INF2: variants seen among roughly 807,000 people sequenced by gnomAD.
The protein encoded by INF2 is inverted formin 2, also known as inverted formin-2.
INF2 carries 43 observed loss-of-function variants against 123.5 expected under a neutral mutation model. The observed-to-expected ratio is 0.35, with a 90% confidence interval of 0.27 to 0.45. The LOEUF (loss-of-function observed/expected upper bound fraction) is 0.45. INF2 is among the 20% of genes least tolerant of loss of function. The pLI is 1.00. For synonymous variants in INF2, 851 were observed against 745.0 expected, an observed-to-expected ratio of 1.14 and a Z score of -2.32; for missense variants, 1,453 against 1,682.7, an observed-to-expected ratio of 0.86 and a Z score of 2.39.
rs748954572 is a variant in INF2 at position 104,708,562 on chromosome 14, C to T, written c.1862C>T (p.Pro621Leu). The change falls in exon 9 of 23, where the codon CCC becomes CTC. Residue 621 changes from proline (P) to leucine (L), a missense_variant. Physicochemically the swap from Pro to Leu is moderately conservative, Grantham distance 98. This residue lies in a region of INF2 where 192 missense variants were observed against 274.4 expected (regional missense o/e 0.70). Transcript: ENST00000392634. ...AKPKEPTMVA[P>L]RARKEPKEIT... ...CCCAAGGAGCCCACCATGGTGGCCC[C>T]CCGGGCCAGGAAGGAGCCCAAGGAG... is the stretch of plus-strand genomic sequence containing the variant. 1 of 1,612,526 alleles carries T rather than the reference C, an allele frequency of 6.2e-7. No individual in the cohort carries two copies. Among genetic ancestry groups the T allele is most frequent in the Non-Finnish European group, 8.5e-7 (1 of 1,179,822 alleles).
At position 104,710,707 on chromosome 14, in the gene INF2, G is replaced by GGAC. The variant is rs1890011839; in HGVS notation, c.2240-229_2240-227dup. ...ACTGGGCAGGGAGAGGGACAGGTACGGACCAGTGAGGCACAGCTCACGTCT... is the reference window on the plus strand; with the variant it reads ...ACTGGGCAGGGAGAGGGACAGGTACGGACGACCAGTGAGGCACAGCTCACGTCT... On this transcript the variant is annotated intron_variant, in intron 13 of 22. Transcript: ENST00000392634. 6.9e-6 allele frequency: 4 copies of GGAC among 583,916 alleles called. No individual in the cohort carries two copies. In the Admixed American group the frequency reaches 1.2e-4, roughly 18 times the overall value. 36.2% of individuals were successfully genotyped at this position (583,916 alleles called of 1,614,324 possible). A position where few individuals can be genotyped will look rare whatever the true frequency, so the allele number is the denominator to read the frequency against.
chr14:104,711,740 G>T (rs1890056308), intron 16 of INF2, 41 bp downstream of exon 16: 4 of 1,594,172 alleles, frequency 2.5e-6, no homozygotes, highest in Non-Finnish European at 2.6e-6. Context: ...AGCCAGGTGG[G>T]GGCCTGACTT....
At chr14:104,698,533 G>A (rs976519958) in intron 1 of INF2, among the ~76,000 whole-genome samples, 1 of 152,224 alleles carries the variant, frequency 6.6e-6, no homozygotes, top group Admixed American at 6.5e-5. Context: ...CCTGAGAGAG[G>A]CTGCTGGCTG....
chr14:104,695,695 C>T (rs1338475605), intron 1 of INF2, among the ~76,000 whole-genome samples: 1 of 152,026 alleles, frequency 6.6e-6, no homozygotes, highest in Non-Finnish European at 1.5e-5. Context: ...GGGCTCTGTT[C>T]CTAACCCAGG....
At chr14:104,693,329 C>T (rs551919161) in intron 1 of INF2, among the ~76,000 whole-genome samples, 37 of 152,292 alleles carry the variant, frequency 2.4e-4, no homozygotes, top group Admixed American at 1.9e-3. Context: ...GGCTCTGCCC[C>T]GGGCCCACCT....
chr14:104,695,766 C>G (rs1889164112), intron 1 of INF2, among the ~76,000 whole-genome samples: 1 of 152,082 alleles, frequency 6.6e-6, no homozygotes, highest in South Asian at 2.1e-4. Context: ...GAGAGCCCAG[C>G]TGTAGCCTGG....
chr14:104,703,361 C>T lies in INF2; in HGVS notation c.574C>T (p.Pro192Ser), dbSNP rs1168829317. 2 of 1,612,958 alleles carry T rather than the reference C, an allele frequency of 1.2e-6. No individual in the cohort carries two copies. Among genetic ancestry groups the T allele is most frequent in the Non-Finnish European group, 8.5e-7 (1 of 1,179,824 alleles). The part of the protein sequence containing the change: ...MNELSGSDNV[P>S]YVVTLLSVIN... ...CGAGCTCTCCGGCAGCGACAACGTG[C>T]CCTACGTGGTCACCCTGCTTAGCGT... is the stretch of plus-strand genomic sequence containing the variant. The change falls in exon 4 of 23, where the codon CCC becomes TCC. Residue 192 changes from proline (P) to serine (S), a missense_variant. By Grantham distance (74) the Pro-to-Ser change is moderately conservative. Transcript: ENST00000392634.
chr14:104,704,302 G>A lies in INF2; in HGVS notation c.701+353G>A, dbSNP rs568113501. The A allele has an allele frequency of 8.4e-4, 556 of 663,884 alleles. 2 individuals carry two copies. Among genetic ancestry groups the A allele is most frequent in the Non-Finnish European group, 1.2e-3 (520 of 443,738 alleles). The allele number at this position is 663,884 out of a possible 1,614,324, so 41.1% of individuals were successfully genotyped here. A position where few individuals can be genotyped will look rare whatever the true frequency, so the allele number is the denominator to read the frequency against. On this transcript the variant is annotated intron_variant, in intron 5 of 22. Transcript: ENST00000392634. ...AAGAGGGAACTACAGGGTGGTTCACGTGGACGCAAGATGGAGACAGGGACA... is the reference window on the plus strand; with the variant it reads ...AAGAGGGAACTACAGGGTGGTTCACATGGACGCAAGATGGAGACAGGGACA...
chr14:104,713,017 C>G (rs757756129), intron 18 of INF2, 25 bp downstream of exon 18: 1 of 1,611,626 alleles, frequency 6.2e-7, no homozygotes, highest in Admixed American at 1.7e-5. Flanking sequence ...CGGGACACAG[C>G]CTGTCTGGCT....
chr14:104,701,877 A>T, intron 2 of INF2, 121 bp downstream of exon 2: 1 of 1,118,726 alleles, frequency 8.9e-7, no homozygotes, highest in Non-Finnish European at 1.2e-6. Context: ...CAGGCAGGCA[A>T]GGAGGGCTTC....
intron 17 of INF2, 110 bp from the exon 18 acceptor site, chr14:104,712,718 C>A: frequency 6.8e-7 from 1 of 1,465,256 alleles, no homozygotes; most frequent in Non-Finnish European, 9.2e-7. Flanking sequence ...CAGAGACCAC[C>A]GTCCTCAGGG....
chr14:104,703,098 C>A lies in INF2; in HGVS notation c.392-7C>A. ...CCCTGCTGAGCCTGCCCACTCCACC[C>A]TGGCAGCCCTGGACACATCCAACGT... On this transcript the variant is annotated splice_region_variant and splice_polypyrimidine_tract_variant and intron_variant, in intron 2 of 22. Transcript: ENST00000392634. 5 of 1,611,000 alleles carry A rather than the reference C, an allele frequency of 3.1e-6. No individual in the cohort carries two copies. Among genetic ancestry groups the A allele is most frequent in the Non-Finnish European group, 4.2e-6 (5 of 1,177,820 alleles).
chr14:104,692,294 T>C (rs1888991543), intron 1 of INF2, among the ~76,000 whole-genome samples: 1 of 152,248 alleles, frequency 6.6e-6, no homozygotes, highest in African/African-American at 2.4e-5. Context: ...GGTGCCATTT[T>C]ACACTCAGTG....
At chr14:104,703,769 C>T in intron 4 of INF2, 147 bp from the exon 5 acceptor site, 1 of 1,412,204 alleles carries the variant, frequency 7.1e-7, no homozygotes, top group Non-Finnish European at 9.9e-7. Flanking sequence ...ACTGTGTGTC[C>T]AGCATGATGT....
intron 22 of INF2, 66 bp downstream of exon 22, chr14:104,715,406 C>A: frequency 7.1e-7 from 1 of 1,407,922 alleles, no homozygotes; most frequent in East Asian, 2.3e-5. Context: ...CTGGAGCTTG[C>A]TGCCCACACC....
At chr14:104,689,500 CAGCCACCCA>C, upstream of INF2, 4 of 326,110 alleles carry the variant, frequency 1.2e-5, no homozygotes, top group Non-Finnish European at 8.8e-6. Context: ...GGGCCACCCC[CAGCCACCCA>C]CCTCCCCCCC....
chr14:104,695,017 G>A (rs565689441), intron 1 of INF2, among the ~76,000 whole-genome samples: 1 of 152,282 alleles, frequency 6.6e-6, no homozygotes, highest in Non-Finnish European at 1.5e-5. Flanking sequence ...GGAGGGACCT[G>A]GGGCCTCGGA....
rs1310107894 is a variant in INF2 at position 104,719,073 on chromosome 14, C to T, written c.*280C>T. The T allele has an allele frequency of 1.6e-6, 1 of 624,768 alleles. No individual in the cohort carries two copies. The highest frequency in any genetic ancestry group is 3.4e-5 in the Admixed American group (1 of 29,252). 38.7% of individuals were successfully genotyped at this position (624,768 alleles called of 1,614,324 possible). ...TAAAGGCAACCCTGGCCCACACCCG[C>T]ATGCGCCCGGTGCAGCCTGCCAAGG... On this transcript the variant is annotated 3_prime_UTR_variant, in exon 23 of 23. Coordinates refer to ENST00000392634, the MANE Select transcript of INF2 (RefSeq NM_022489.4).
intron 4 of INF2, 102 bp downstream of exon 4, chr14:104,703,556 C>A (rs1595166556): frequency 1.3e-6 from 2 of 1,483,326 alleles, no homozygotes; most frequent in South Asian, 2.3e-5. Flanking sequence ...ACAAAAGCTG[C>A]CCCCGACCCA....
Sources: gnomAD v4.1 joint callset for allele counts (sites outside exome capture counted in the v4.1 genomes callset) on GRCh38, gnomAD v4.1.1 for gene constraint, gnomAD v4.1.1 regional missense constraint, MANE v1.5 for transcripts, NCBI Gene and HGNC (gene_info 2026-07-23, HGNC 2026-07-21) for gene names.